The following TPRG1 variants were observed in gnomAD, a reference collection of about 807,000 sequenced individuals.
The protein encoded by TPRG1 is tumor protein p63-regulated gene 1 protein.
TPRG1 carries 29 observed loss-of-function variants against 29.3 expected under a neutral mutation model. The ratio of observed to expected loss-of-function variants is 0.99; its 90% confidence interval spans 0.74 to 1.35. The LOEUF is 1.35. Among genes scored for constraint, TPRG1 ranks in the 40% most tolerant of loss-of-function variants. TPRG1 has a pLI of 0.00. For missense variants in TPRG1, 327 were observed against 335.0 expected (o/e 0.98, Z 0.19); for synonymous variants, 130 against 116.8 (o/e 1.11, Z -0.73).
At chr3:189,090,917 CT>C (rs1477039302) in intron 4 of TPRG1, among the ~76,000 whole-genome samples, 3 of 152,036 alleles carry the variant, frequency 2.0e-5, no homozygotes, top group African/African-American at 7.2e-5. Context: ...ATGTTTTTAA[CT>C]TAATGACAAG....
At chr3:189,262,496 T>C (rs1007037555) in intron 4 of TPRG1, among the ~76,000 whole-genome samples, 1 of 152,076 alleles carries the variant, frequency 6.6e-6, no homozygotes, top group Non-Finnish European at 1.5e-5. Context: ...CTGGGCAGTA[T>C]GATCCCATTG....
intron 3 of TPRG1, among the ~76,000 whole-genome samples, chr3:189,142,951 T>A (rs192945198): frequency 1.3e-5 from 2 of 152,370 alleles, no homozygotes; most frequent in East Asian, 3.9e-4. Context: ...AATGATTTTC[T>A]TAATTCTTTC....
chr3:189,141,004 G>C (rs1354566833), intron 3 of TPRG1, among the ~76,000 whole-genome samples: 1 of 152,182 alleles, frequency 6.6e-6, no homozygotes, highest in Non-Finnish European at 1.5e-5. Flanking sequence ...CAGCTCAAAA[G>C]TGGACCTATT....
intron 4 of TPRG1, among the ~76,000 whole-genome samples, chr3:189,248,803 C>T (rs1437507744): frequency 2.0e-5 from 3 of 151,014 alleles, no homozygotes; most frequent in Non-Finnish European, 4.4e-5. Context: ...CTTACTATTT[C>T]TACTCTCTGG....
At chr3:189,213,972 A>C (rs779554217) in intron 2 of TPRG1, among the ~76,000 whole-genome samples, 35 of 152,270 alleles carry the variant, frequency 2.3e-4, no homozygotes, top group Non-Finnish European at 2.9e-4. Context: ...TTGCTATCCA[A>C]AAATAAGGCT....
chr3:189,087,224 T>C (rs867396596), intron 4 of TPRG1, among the ~76,000 whole-genome samples: 17 of 152,318 alleles, frequency 1.1e-4, no homozygotes, highest in Non-Finnish European at 1.9e-4. Flanking sequence ...TGGTATCTCA[T>C]TGTGGTTTTG....
At chr3:189,250,890 T>C (rs972961512) in intron 4 of TPRG1, among the ~76,000 whole-genome samples, 2 of 152,048 alleles carry the variant, frequency 1.3e-5, no homozygotes, top group Non-Finnish European at 2.9e-5. Context: ...GCTGATTGAA[T>C]ACATCTTACA....
At chr3:189,071,618 A>G (rs900315730) in intron 4 of TPRG1, among the ~76,000 whole-genome samples, 9 of 152,208 alleles carry the variant, frequency 5.9e-5, no homozygotes, top group African/African-American at 2.2e-4. Context: ...ATGTGTGTGC[A>G]TACAGAGTAA....
chr3:189,150,831 C>A (rs1338681082), exon 5 of TPRG1: 1 of 152,152 alleles, frequency 6.6e-6, no homozygotes, highest in Non-Finnish European at 1.5e-5. Context: ...CTCCACGACT[C>A]CCTGAGGGCA....
chr3:189,120,261 A>T (rs1285838657), intron 1 of TPRG1: 2 of 152,208 alleles, frequency 1.3e-5, no homozygotes, highest in Admixed American at 1.3e-4. Context: ...GAAAGAAAAC[A>T]AGTGACATGA....
intron 3 of TPRG1, among the ~76,000 whole-genome samples, chr3:189,010,357 C>T (rs748952929): frequency 2.0e-5 from 3 of 152,118 alleles, no homozygotes; most frequent in Non-Finnish European, 4.4e-5. Context: ...GAAGAATCAC[C>T]ACACTATTTT....
At chr3:189,273,123 C>A (rs1186250813) in intron 4 of TPRG1, among the ~76,000 whole-genome samples, 1 of 152,122 alleles carries the variant, frequency 6.6e-6, no homozygotes, top group Admixed American at 6.5e-5. Context: ...TAATCAGCTC[C>A]TCTTGAAGCT....
intron 5 of TPRG1, among the ~76,000 whole-genome samples, chr3:189,154,363 C>G (rs1337171134): frequency 6.6e-6 from 1 of 152,080 alleles, no homozygotes; most frequent in African/African-American, 2.4e-5. Context: ...CGAGTGTCTG[C>G]TATGGGCTGA....
intron 5 of TPRG1, among the ~76,000 whole-genome samples, chr3:189,158,928 GT>G (rs57590939): frequency 1.4e-5 from 2 of 147,902 alleles, no homozygotes; most frequent in South Asian, 2.2e-4. Flanking sequence ...TTTTTTTTTT[GT>G]TTTTTTTTGT....
intron 4 of TPRG1, among the ~76,000 whole-genome samples, chr3:189,259,170 C>T (rs977357184): frequency 6.6e-6 from 1 of 152,068 alleles, no homozygotes; most frequent in African/African-American, 2.4e-5. Context: ...TTGTGAAGAT[C>T]GTGGGGAAAG....
At chr3:189,176,514 C>A (rs756168541) in intron 1 of TPRG1, among the ~76,000 whole-genome samples, 1 of 151,880 alleles carries the variant, frequency 6.6e-6, no homozygotes, top group Non-Finnish European at 1.5e-5. Flanking sequence ...AGAAAATAAA[C>A]AAAACCATTC....
chr3:189,096,405 G>A (rs1390778345), upstream of TPRG1, among the ~76,000 whole-genome samples: 1 of 152,196 alleles, frequency 6.6e-6, no homozygotes, highest in Non-Finnish European at 1.5e-5. Context: ...GCTGTGGCAT[G>A]CCTGTGCTTG....
At chr3:189,179,621 G>A (rs1309706140) in intron 1 of TPRG1, among the ~76,000 whole-genome samples, 1 of 152,060 alleles carries the variant, frequency 6.6e-6, no homozygotes, top group Non-Finnish European at 1.5e-5. Context: ...CTCTTTCACA[G>A]ACAATTACTC....
intron 4 of TPRG1, among the ~76,000 whole-genome samples, chr3:189,283,396 C>T (rs1717485443): frequency 6.6e-6 from 1 of 152,122 alleles, no homozygotes; most frequent in African/African-American, 2.4e-5. Context: ...TTCAAAAAGG[C>T]AATGTGTCAT....
Sources: gnomAD v4.1 joint callset for allele counts (sites outside exome capture counted in the v4.1 genomes callset) on GRCh38, gnomAD v4.1.1 for gene constraint, MANE v1.5 for transcripts, NCBI Gene and HGNC (gene_info 2026-07-23, HGNC 2026-07-21) for gene names.